The following BMP8B variants were observed in gnomAD, a reference collection of about 807,000 sequenced individuals.
The protein encoded by BMP8B is bone morphogenetic protein 8b, also known as bone morphogenetic protein 8 (osteogenic protein 2).
BMP8B carries 17 observed loss-of-function variants against 30.3 expected under a neutral mutation model. That is an observed-to-expected ratio of 0.56 (90% CI 0.38 to 0.84). BMP8B has a LOEUF of 0.84. Ranked by LOEUF, BMP8B falls within the 40% of genes least tolerant of loss-of-function variation. The pLI, the probability that BMP8B is intolerant of heterozygous loss-of-function variation, is 0.00. For missense variants in BMP8B, 253 were observed against 494.6 expected (o/e 0.51, Z 4.63); for synonymous variants, 131 against 214.7 (o/e 0.61, Z 3.41).
chr1:39,775,449 GA>G (rs1323108070), intron 1 of BMP8B, among the ~76,000 whole-genome samples: 1 of 152,222 alleles, frequency 6.6e-6, no homozygotes, highest in Non-Finnish European at 1.5e-5. Context: ...GCCCTGCAGG[GA>G]AACCTGGTAG....
At chr1:39,770,998 C>G in intron 3 of BMP8B, 7 of 1,452,866 alleles carry the variant, frequency 4.8e-6, no homozygotes, top group Non-Finnish European at 6.5e-6. Flanking sequence ...TGCTGACCAC[C>G]TGCAGGTCTT....
At chr1:39,786,606 C>T (rs1027629329) in intron 1 of BMP8B, among the ~76,000 whole-genome samples, 1 of 152,120 alleles carries the variant, frequency 6.6e-6, no homozygotes, top group Non-Finnish European at 1.5e-5. Context: ...TTCTGATGGG[C>T]GGCTCCCTGG....
In BMP8B at chr1:39,762,329, G is replaced by A. The variant is rs948500964; in HGVS notation, c.1059+763C>T. 3.6e-5 allele frequency: 24 copies of A among 659,230 alleles called. No individual in the cohort carries two copies. In the East Asian group the frequency reaches 4.1e-4, roughly 11 times the overall value. 40.8% of individuals were successfully genotyped at this position (659,230 alleles called of 1,614,324 possible). ...TGCTGCGATTACAGGGTGAGCCACC[G>A]CACCTGATCAAGGCATCACCGTTGA... On this transcript the variant is annotated intron_variant, in intron 6 of 6. Transcript: ENST00000372827.
rs1437017268 is a variant in BMP8B, at chr1:39,779,426, G to T, written c.335-4388C>A. Among the ~76,000 whole-genome samples the T allele has an allele frequency of 2.0e-5, 3 of 152,306 alleles. No individual in the cohort carries two copies. In the East Asian group the frequency reaches 5.8e-4, roughly 29 times the overall value. On this transcript the variant is annotated intron_variant, in intron 1 of 6. Transcript: ENST00000372827. ...GGGGGTGCCAGGAAGAGTCACACTT[G>T]GTCCCTATTCTCAGGTTGTTCAGAG... is the stretch of plus-strand genomic sequence containing the variant.
At chr1:39,762,321 G>A (rs375519987) in intron 6 of BMP8B, 20 of 596,790 alleles carry the variant, frequency 3.4e-5, no homozygotes, top group East Asian at 2.3e-4. Context: ...ATTACAGGGT[G>A]AGCCACCGCA....
chr1:39,776,616 G>A (rs1263489959), intron 1 of BMP8B, among the ~76,000 whole-genome samples: 1 of 152,226 alleles, frequency 6.6e-6, no homozygotes, highest in Non-Finnish European at 1.5e-5. Flanking sequence ...TGGGCAGGAG[G>A]AGGTGGCCGC....
In BMP8B at chr1:39,788,329, C is replaced by A; in HGVS notation, c.157G>T (p.Gly53Trp). The A allele has an allele frequency of 8.2e-7, 1 of 1,219,766 alleles. No homozygotes were observed. Among genetic ancestry groups the A allele is most frequent in the Non-Finnish European group, 1.0e-6 (1 of 984,834 alleles). The allele number at this position is 1,219,766 out of a possible 1,614,324, so 75.6% of individuals were successfully genotyped here. Residue 53 changes from glycine to tryptophan, a missense_variant, in exon 1 of 7, where the codon GGG (glycine) becomes TGG (tryptophan). By Grantham distance (184) the Gly-to-Trp change is radical. This residue lies in a region of BMP8B where 54 missense variants were observed against 70.8 expected (regional missense o/e 0.76). Transcript: ENST00000372827. The surrounding 1 kb of genome is among the most constrained non-coding windows in gnomAD (Gnocchi z 5.8). The part of the protein sequence containing the change: ...DVQREILAVL[G>W]LPGRPRPRAP... ...CGGGGCCGGGGCCGCCCAGGCAGCC[C>A]GAGCACCGCCAGGATCTCGCGCTGC...
chr1:39,786,616 G>A (rs1650998118), intron 1 of BMP8B, among the ~76,000 whole-genome samples: 1 of 152,118 alleles, frequency 6.6e-6, no homozygotes, highest in Non-Finnish European at 1.5e-5. Flanking sequence ...CGGCTCCCTG[G>A]GGACATTCTT....
intron 1 of BMP8B, among the ~76,000 whole-genome samples, chr1:39,778,121 G>A (rs971608181): frequency 3.3e-5 from 5 of 152,256 alleles, no homozygotes; most frequent in Admixed American, 2.6e-4. Flanking sequence ...CCAGAGCGGG[G>A]GTGCCCCGGC....
At chr1:39,766,188 G>A (rs1206055270) in intron 3 of BMP8B, among the ~76,000 whole-genome samples, 1 of 146,044 alleles carries the variant, frequency 6.8e-6, no homozygotes, top group Non-Finnish European at 1.5e-5. Context: ...CGGCTTTCAT[G>A]ATAAAGATGG....
intron 6 of BMP8B, chr1:39,762,673 C>T (rs1240290573): frequency 6.6e-7 from 1 of 1,514,284 alleles, no homozygotes; most frequent in Non-Finnish European, 8.8e-7. Context: ...CACACGCACA[C>T]CCCACACACT....
Position 39,762,070 on chromosome 1 carries a change from G to A in BMP8B, c.1059+1022C>T, listed in dbSNP as rs147287919. 4.2e-3 allele frequency among the ~76,000 whole-genome samples: 638 copies of A among 152,308 alleles called. 8 individuals carry two copies. The highest frequency in any genetic ancestry group is 0.015 in the African/African-American group (612 of 41,570). ...GGGTGGCTGGGCTGGGCCGCCCCAC[G>A]CGTCCTCATCATCCCTGGGCCTTTC... On this transcript the variant is annotated intron_variant, in intron 6 of 6. Transcript: ENST00000372827.
chr1:39,762,546 C>A, intron 6 of BMP8B: 1 of 1,550,300 alleles, frequency 6.5e-7, no homozygotes, highest in Non-Finnish European at 8.7e-7. Flanking sequence ...CATCAAAAGC[C>A]AGGGGATCCA....
chr1:39,783,081 A>T (rs1057400844), intron 1 of BMP8B, among the ~76,000 whole-genome samples: 1 of 152,284 alleles, frequency 6.6e-6, no homozygotes, highest in Middle Eastern at 3.4e-3. Flanking sequence ...TTATTATCCC[A>T]GTTTTAAAGA....
At position 39,771,301 on chromosome 1, in the gene BMP8B, T is replaced by A. The variant is rs147759616; in HGVS notation, c.673+3007A>T. On this transcript the variant is annotated intron_variant, in intron 3 of 6. Transcript: ENST00000372827. Reference sequence around the variant, plus strand: ...CAGGACAGGTGGTGTGAGCCCTGCGTGCGCCTCGGGCCGCGCGTCACAGAG... The same window carrying A: ...CAGGACAGGTGGTGTGAGCCCTGCGAGCGCCTCGGGCCGCGCGTCACAGAG... 8.1e-3 allele frequency: 11,570 copies of A among 1,420,866 alleles called. 1 individual carries two copies. The African/African-American group carries it at 0.1, about 13-fold the overall frequency. 88.0% of individuals were successfully genotyped at this position (1,420,866 alleles called of 1,614,324 possible).
chr1:39,769,275 C>T (rs990757700), intron 3 of BMP8B, among the ~76,000 whole-genome samples: 34 of 150,802 alleles, frequency 2.3e-4, no homozygotes, highest in African/African-American at 8.3e-4. Context: ...CATCTTTGCT[C>T]GCCTATTTCT....
At chr1:39,780,819 C>A (rs2249439) in intron 1 of BMP8B, among the ~76,000 whole-genome samples, 4 of 151,984 alleles carry the variant, frequency 2.6e-5, no homozygotes, top group African/African-American at 4.8e-5. Context: ...TCACTTGAGT[C>A]TGGGAGGTTG....
Position 39,769,175 on chromosome 1 carries a change from A to G in BMP8B, c.674-4358T>C, listed in dbSNP as rs564062143. ...GCATTCCAGCCTGAGCGACAGAGCC[A>G]GACCCTGCCTCAAAAAAAAGAAAAA... On this transcript the variant is annotated intron_variant, in intron 3 of 6. Coordinates refer to ENST00000372827, the MANE Select transcript of BMP8B (RefSeq NM_001720.5). 7.2e-4 allele frequency among the ~76,000 whole-genome samples: 108 copies of G among 150,822 alleles called. 1 individual carries two copies. Among genetic ancestry groups the G allele is most frequent in the Admixed American group, 6.9e-3 (105 of 15,190 alleles).
At chr1:39,781,383 T>C (rs1650625347) in intron 1 of BMP8B, among the ~76,000 whole-genome samples, 1 of 152,188 alleles carries the variant, frequency 6.6e-6, no homozygotes, top group African/African-American at 2.4e-5. Flanking sequence ...CCAGCTGGCC[T>C]TGGGCTAAAA....
Sources: gnomAD v4.1 joint callset for allele counts (sites outside exome capture counted in the v4.1 genomes callset) on GRCh38, gnomAD v4.1.1 for gene constraint, gnomAD v4.1.1 regional missense constraint, Gnocchi (gnomAD v3.1) non-coding constraint, MANE v1.5 for transcripts, NCBI Gene and HGNC (gene_info 2026-07-23, HGNC 2026-07-21) for gene names.